The following CADM1 variants were observed in gnomAD, a reference collection of about 807,000 sequenced individuals.
CADM1 encodes the protein cell adhesion molecule 1, also known as TSLC-1.
Under a neutral mutation model 53.1 loss-of-function variants are expected in CADM1, and 15 were observed. That is an observed-to-expected ratio of 0.28 (90% CI 0.19 to 0.44). CADM1 has a LOEUF of 0.44. Among genes scored for constraint, CADM1 ranks in the 20% least tolerant of loss-of-function variants. The pLI, the probability that CADM1 is intolerant of heterozygous loss-of-function variation, is 1.00. For synonymous variants in CADM1, 281 were observed against 243.0 expected, an observed-to-expected ratio of 1.16 and a Z score of -1.45; for missense variants, 434 against 611.3, an observed-to-expected ratio of 0.71 and a Z score of 3.06.
chr11:115,316,707 G>A (rs751130265), intron 1 of CADM1, among the ~76,000 whole-genome samples: 27 of 152,226 alleles, frequency 1.8e-4, no homozygotes, highest in Non-Finnish European at 3.4e-4. Flanking sequence ...TGATACAAAT[G>A]CCAAAAATCT....
chr11:115,241,745 T>G (rs546489072), intron 1 of CADM1, among the ~76,000 whole-genome samples: 1 of 152,158 alleles, frequency 6.6e-6, no homozygotes, highest in Non-Finnish European at 1.5e-5. Flanking sequence ...TTGGGAGTAG[T>G]GTGGATCCAA....
intron 1 of CADM1, among the ~76,000 whole-genome samples, chr11:115,431,425 T>G (rs1476020284): frequency 2.0e-5 from 3 of 152,224 alleles, no homozygotes; most frequent in African/African-American, 7.2e-5. Flanking sequence ...GTCCAGACAG[T>G]AGTTCTTTGT....
chr11:115,364,752 C>T (rs529275337), intron 1 of CADM1, among the ~76,000 whole-genome samples: 87 of 152,284 alleles, frequency 5.7e-4, no homozygotes, highest in Middle Eastern at 3.4e-3. Context: ...TCACTCTCTA[C>T]TGTTGAAAAA....
intron 1 of CADM1, among the ~76,000 whole-genome samples, chr11:115,355,417 C>T (rs1166435368): frequency 1.3e-5 from 2 of 152,066 alleles, no homozygotes; most frequent in Non-Finnish European, 2.9e-5. Flanking sequence ...GATGAGAACA[C>T]ATGGATGCAA....
At chr11:115,303,846 C>T (rs180933029) in intron 1 of CADM1, among the ~76,000 whole-genome samples, 82 of 152,118 alleles carry the variant, frequency 5.4e-4, no homozygotes, top group African/African-American at 1.7e-3. Flanking sequence ...CATATCCTGG[C>T]GCTTGTCCAC....
chr11:115,218,166 T>C (rs1287606049), intron 5 of CADM1, 175 bp from the exon 6 acceptor site: 3 of 638,012 alleles, frequency 4.7e-6, no homozygotes, highest in East Asian at 2.9e-5. Flanking sequence ...TTAAATTGAC[T>C]AATAACTCTA....
intron 1 of CADM1, among the ~76,000 whole-genome samples, chr11:115,359,676 CT>C (rs890719806): frequency 1.3e-5 from 2 of 151,902 alleles, no homozygotes; most frequent in Non-Finnish European, 1.5e-5. Context: ...CCAAAGAAAG[CT>C]TTTTTTTAAG....
At chr11:115,267,134 T>G (rs993885143) in intron 1 of CADM1, among the ~76,000 whole-genome samples, 21 of 152,236 alleles carry the variant, frequency 1.4e-4, no homozygotes, top group Non-Finnish European at 4.4e-5. Flanking sequence ...TGTACCAAGC[T>G]GCCATGCACT....
chr11:115,493,501 G>A (rs1481366776), intron 1 of CADM1, among the ~76,000 whole-genome samples: 1 of 152,094 alleles, frequency 6.6e-6, no homozygotes, highest in Non-Finnish European at 1.5e-5. Context: ...AAGACAGAGG[G>A]CTCTTCACAA....
intron 1 of CADM1, among the ~76,000 whole-genome samples, chr11:115,294,948 A>G (rs191877521): frequency 5.3e-5 from 8 of 152,298 alleles, no homozygotes; most frequent in Middle Eastern, 3.4e-3. Flanking sequence ...CTGAGGCAGG[A>G]GAATTGCTTG....
At chr11:115,297,712 C>T (rs1944115703) in intron 1 of CADM1, among the ~76,000 whole-genome samples, 1 of 152,154 alleles carries the variant, frequency 6.6e-6, no homozygotes, top group Admixed American at 6.5e-5. Context: ...CAATGCATCC[C>T]TAAGGGCCAA....
At chr11:115,237,482 C>T (rs1177297258) in intron 3 of CADM1, among the ~76,000 whole-genome samples, 1 of 152,186 alleles carries the variant, frequency 6.6e-6, no homozygotes, top group African/African-American at 2.4e-5. Context: ...AATGAGGCAG[C>T]AGCTCAATAT....
chr11:115,189,898 A>G (rs1353064509), intron 10 of CADM1, among the ~76,000 whole-genome samples: 1 of 152,232 alleles, frequency 6.6e-6, no homozygotes, highest in Non-Finnish European at 1.5e-5. Context: ...GTTCGTCAGA[A>G]GCACGTAGTT....
chr11:115,350,191 G>A (rs948251900), intron 1 of CADM1, among the ~76,000 whole-genome samples: 25 of 152,170 alleles, frequency 1.6e-4, no homozygotes, highest in Admixed American at 1.4e-3. Flanking sequence ...GGCTGGTCTC[G>A]AACTCCCAAC....
chr11:115,204,289 C>T (rs1940575789), intron 8 of CADM1, among the ~76,000 whole-genome samples: 1 of 152,168 alleles, frequency 6.6e-6, no homozygotes, highest in African/African-American at 2.4e-5. Context: ...TTTGATGGCA[C>T]AGACCAAAGT....
chr11:115,175,618 G>C lies in CADM1; in HGVS notation c.*856C>G, dbSNP rs889645275. The C allele has an allele frequency of 3.0e-6, 3 of 985,414 alleles. No individual in the cohort carries two copies. The highest frequency in any genetic ancestry group is 3.6e-6 in the Non-Finnish European group (3 of 829,994). The allele number at this position is 985,414 out of a possible 1,614,324, so 61.0% of individuals were successfully genotyped here. ...ACCTGTCAGGTCTGTTTAGGGCATG[G>C]AAAAAGGAGGAGTCCTTTCTGCCCC... On this transcript the variant is annotated 3_prime_UTR_variant, in exon 12 of 12. Coordinates refer to ENST00000331581, the MANE Select transcript of CADM1 (RefSeq NM_001301043.2).
intron 1 of CADM1, among the ~76,000 whole-genome samples, chr11:115,383,932 A>C (rs541150686): frequency 5.3e-5 from 8 of 152,162 alleles, no homozygotes; most frequent in African/African-American, 1.9e-4. Flanking sequence ...GTAGATCCTA[A>C]GGTTTCCCTA....
intron 1 of CADM1, among the ~76,000 whole-genome samples, chr11:115,442,282 T>C (rs556231323): frequency 1.1e-4 from 17 of 152,154 alleles, no homozygotes; most frequent in African/African-American, 4.1e-4. Flanking sequence ...ATATTACAGC[T>C]ACCCAAAATG....
chr11:115,327,713 C>T (rs1337868233), intron 1 of CADM1, among the ~76,000 whole-genome samples: 1 of 152,068 alleles, frequency 6.6e-6, no homozygotes, highest in Non-Finnish European at 1.5e-5. Flanking sequence ...CTATCTCCTA[C>T]CAGCCTCATG....
Sources: gnomAD v4.1 joint callset for allele counts (sites outside exome capture counted in the v4.1 genomes callset) on GRCh38, gnomAD v4.1.1 for gene constraint, MANE v1.5 for transcripts, NCBI Gene and HGNC (gene_info 2026-07-23, HGNC 2026-07-21) for gene names.